The following CNKSR3 variants were observed in gnomAD, a reference collection of about 807,000 sequenced individuals.
CNKSR3 encodes CNKSR family member 3.
A neutral mutation model predicts 67.7 loss-of-function variants in CNKSR3; 36 were observed. The ratio of observed to expected loss-of-function variants is 0.53; its 90% CI spans 0.41 to 0.70. CNKSR3 has a LOEUF of 0.70. CNKSR3 is among the 30% of genes least tolerant of loss of function. The probability of loss-of-function intolerance (pLI) is 0.00; values close to 1 mark genes in which losing one functional copy is unlikely to be tolerated. For missense variants in CNKSR3, 630 were observed against 695.2 expected (o/e 0.91, Z 1.05); for synonymous variants, 281 against 271.4 (o/e 1.04, Z -0.35).
In CNKSR3 at chr6:154,405,434, T is replaced by C. The variant is rs1472858376; in HGVS notation, c.*920A>G. The C allele has an allele frequency of 6.6e-6, 1 of 152,650 alleles. No homozygotes were observed. The highest frequency in any genetic ancestry group is 1.5e-5 in the Non-Finnish European group (1 of 68,048). 9.5% of individuals were successfully genotyped at this position (152,650 alleles called of 1,614,324 possible). On this transcript the variant is annotated 3_prime_UTR_variant, in exon 13 of 13. Transcript: ENST00000607772. ...AGACACACGTTTTCAAAATACCTGATGCTAGTTGAAAATTAGTGACCATGA... is the reference window on the plus strand; with the variant it reads ...AGACACACGTTTTCAAAATACCTGACGCTAGTTGAAAATTAGTGACCATGA...
In CNKSR3 at chr6:154,389,270, G is replaced by T. The variant is rs1052608441; in HGVS notation, c.*17084C>A. 6.6e-6 allele frequency: 1 copy of T among 152,144 alleles called. No homozygotes were observed. Among genetic ancestry groups the T allele is most frequent in the African/African-American group, 2.4e-5 (1 of 41,422 alleles). The allele number at this position is 152,144 out of a possible 1,614,324, so 9.4% of individuals were successfully genotyped here. A position where few individuals can be genotyped will look rare whatever the true frequency, so the allele number is the denominator to read the frequency against. ...CCATTTTGAGTTGGGTTTTGTATGT[G>T]ATGTAAGATAAAAGTCCAGTTTCCC... On this transcript the variant is annotated 3_prime_UTR_variant, in exon 13 of 13. Coordinates refer to ENST00000607772, the MANE Select transcript of CNKSR3 (RefSeq NM_173515.4).
chr6:154,403,373 A>T lies in CNKSR3; in HGVS notation c.*2981T>A, dbSNP rs1784736719. ...CAGTGAGTTGAGATTGTACCACTGC[A>T]CTCTAGCCTGGGTGACAGAGTGAGA... On this transcript the variant is annotated 3_prime_UTR_variant, in exon 13 of 13. Coordinates refer to ENST00000607772, the MANE Select transcript of CNKSR3 (RefSeq NM_173515.4). The T allele has an allele frequency of 6.6e-6, 1 of 151,596 alleles. No individual in the cohort carries two copies. Among genetic ancestry groups the T allele is most frequent in the Non-Finnish European group, 1.5e-5 (1 of 67,970 alleles). 9.4% of individuals were successfully genotyped at this position (151,596 alleles called of 1,614,324 possible).
rs2128707883 is a variant in CNKSR3 at position 154,390,680 on chromosome 6, G to C, written c.*15674C>G. The C allele has an allele frequency of 6.6e-6, 1 of 152,268 alleles. No homozygotes were observed. Among genetic ancestry groups the C allele is most frequent in the South Asian group, 2.1e-4 (1 of 4,822 alleles). 9.4% of individuals were successfully genotyped at this position (152,268 alleles called of 1,614,324 possible). On this transcript the variant is annotated 3_prime_UTR_variant, in exon 13 of 13. Coordinates refer to ENST00000607772, the MANE Select transcript of CNKSR3 (RefSeq NM_173515.4). ...GCATCATTTTGTGTATTAGTTTGTT[G>C]GGGCTGCCATAACAAAATACCACAG... is the stretch of plus-strand genomic sequence containing the variant.
chr6:154,410,464 T>G (rs540745131), intron 11 of CNKSR3, 32 bp from the exon 12 acceptor site: 2 of 1,500,240 alleles, frequency 1.3e-6, no homozygotes, highest in South Asian at 2.3e-5. Flanking sequence ...GGTGACAAGT[T>G]TGATGAGTTC....
chr6:154,434,259 A>G (rs549373652), intron 4 of CNKSR3, among the ~76,000 whole-genome samples: 7 of 152,328 alleles, frequency 4.6e-5, no homozygotes, highest in African/African-American at 1.7e-4. Flanking sequence ...AAACTTTCAC[A>G]GTTAACCTTC....
intron 1 of CNKSR3, among the ~76,000 whole-genome samples, chr6:154,496,160 T>C (rs145247986): frequency 6.6e-6 from 1 of 152,304 alleles, no homozygotes; most frequent in Non-Finnish European, 1.5e-5. Context: ...TGATGTCCAC[T>C]AACAGCTAAG....
At position 154,405,961 on chromosome 6, in the gene CNKSR3, A is replaced by G. The variant is rs1784778591; in HGVS notation, c.*393T>C. ...AGATAAAGAAGTTGGACCACAAACC[A>G]ACACATCTGTGTGAAAACAGCCACC... On this transcript the variant is annotated 3_prime_UTR_variant, in exon 13 of 13. Transcript: ENST00000607772. 1 of 170,398 alleles carries G rather than the reference A, an allele frequency of 5.9e-6. No individual in the cohort carries two copies. Among genetic ancestry groups the G allele is most frequent in the African/African-American group, 2.4e-5 (1 of 42,092 alleles). The allele number at this position is 170,398 out of a possible 1,614,324, so 10.6% of individuals were successfully genotyped here.
intron 9 of CNKSR3, among the ~76,000 whole-genome samples, chr6:154,419,318 T>C (rs1466288846): frequency 6.6e-6 from 1 of 152,106 alleles, no homozygotes; most frequent in East Asian, 1.9e-4. Context: ...GCACTACAAT[T>C]ACAGGCATGA....
At chr6:154,506,348 G>A (rs1787103149) in intron 1 of CNKSR3, among the ~76,000 whole-genome samples, 1 of 152,174 alleles carries the variant, frequency 6.6e-6, no homozygotes, top group Non-Finnish European at 1.5e-5. Context: ...GAAAGAGAAA[G>A]AAGAAAAGAA....
At chr6:154,452,913 G>A (rs1785868286) in intron 1 of CNKSR3, among the ~76,000 whole-genome samples, 1 of 152,218 alleles carries the variant, frequency 6.6e-6, no homozygotes, top group Admixed American at 6.5e-5. Flanking sequence ...CCTCCAAAAT[G>A]GTGATGAGAT....
intron 4 of CNKSR3, among the ~76,000 whole-genome samples, chr6:154,438,465 C>A (rs761182820): frequency 3.3e-5 from 5 of 150,844 alleles, no homozygotes; most frequent in Admixed American, 6.6e-5. Flanking sequence ...TGCCTTTTTT[C>A]TTTTTTAACT....
At chr6:154,509,237 G>T (rs73576858) in intron 1 of CNKSR3, among the ~76,000 whole-genome samples, 37 of 152,132 alleles carry the variant, frequency 2.4e-4, no homozygotes, top group African/African-American at 8.9e-4. Flanking sequence ...CCTCGAAATC[G>T]TAGGAGACAT....
In CNKSR3 at chr6:154,399,795, TAA is replaced by T. The variant is rs1158280929; in HGVS notation, c.*6557_*6558del. On this transcript the variant is annotated 3_prime_UTR_variant, in exon 13 of 13. Coordinates refer to ENST00000607772, the MANE Select transcript of CNKSR3 (RefSeq NM_173515.4). Reference sequence around the variant, plus strand: ...TCTGAAGCTCCCTGATTCTCTAAAATAATCAAAATGTTCAGCCCAAGATATGT... The same window carrying T: ...TCTGAAGCTCCCTGATTCTCTAAAATTCAAAATGTTCAGCCCAAGATATGT... 3 of 152,100 alleles carry T rather than the reference TAA, an allele frequency of 2.0e-5. No homozygotes were observed. Among genetic ancestry groups the T allele is most frequent in the Non-Finnish European group, 2.9e-5 (2 of 68,020 alleles). The allele number at this position is 152,100 out of a possible 1,614,324, so 9.4% of individuals were successfully genotyped here. A position where few individuals can be genotyped will look rare whatever the true frequency, so the allele number is the denominator to read the frequency against.
intron 10 of CNKSR3, among the ~76,000 whole-genome samples, chr6:154,411,680 A>T (rs9383707): frequency 0.53 from 78,917 of 147,512 alleles, 21,622 homozygotes; most frequent in East Asian, 0.65. Context: ...GGTTTTTTTT[A>T]ATATCCAAAC....
intron 1 of CNKSR3, among the ~76,000 whole-genome samples, chr6:154,473,535 TGGCA>T (rs1461074984): frequency 6.6e-6 from 1 of 152,056 alleles, no homozygotes; most frequent in East Asian, 1.9e-4. Flanking sequence ...TGGGGGAGAA[TGGCA>T]TAAACAAGGC....
intron 1 of CNKSR3, among the ~76,000 whole-genome samples, chr6:154,477,335 T>C (rs1196298120): frequency 6.6e-6 from 1 of 152,050 alleles, no homozygotes; most frequent in Non-Finnish European, 1.5e-5. Context: ...TATTTATTTA[T>C]TTTTGAGCAG....
At chr6:154,424,029 G>A (rs113809528) in intron 7 of CNKSR3, among the ~76,000 whole-genome samples, 3,975 of 152,018 alleles carry the variant, frequency 0.026, 82 homozygotes, top group Non-Finnish European at 0.043. Flanking sequence ...TCAGGAGATC[G>A]AGACCATCCT....
rs1462553854 is a variant in CNKSR3 at position 154,398,172 on chromosome 6, G to A, written c.*8182C>T. 6.6e-6 allele frequency: 1 copy of A among 152,194 alleles called. No individual in the cohort carries two copies. Among genetic ancestry groups the A allele is most frequent in the East Asian group, 1.9e-4 (1 of 5,198 alleles). 9.4% of individuals were successfully genotyped at this position (152,194 alleles called of 1,614,324 possible). On this transcript the variant is annotated 3_prime_UTR_variant, in exon 13 of 13. Coordinates refer to ENST00000607772, the MANE Select transcript of CNKSR3 (RefSeq NM_173515.4). ...AACCCCACCCCAGTCCAGTGGTGCG[G>A]ATCAATAAATCGAGACTTACGGCCA...
At chr6:154,468,850 T>C (rs1387399453) in intron 1 of CNKSR3, among the ~76,000 whole-genome samples, 1 of 152,158 alleles carries the variant, frequency 6.6e-6, no homozygotes, top group Admixed American at 6.5e-5. Context: ...TAGACCTCAG[T>C]TTCCTCAGCT....
Sources: allele counts gnomAD v4.1 joint callset (sites outside exome capture counted in the v4.1 genomes callset), GRCh38; gene constraint gnomAD v4.1.1; transcripts MANE v1.5; gene names NCBI Gene and HGNC (gene_info 2026-07-23, HGNC 2026-07-21).